CNTN5: variants seen among roughly 807,000 people sequenced by gnomAD.
CNTN5 encodes contactin-5.
CNTN5 carries 77 observed loss-of-function variants against 129.1 expected under a neutral mutation model. The ratio of observed to expected loss-of-function variants is 0.60; its 90% CI spans 0.50 to 0.72. The LOEUF (loss-of-function observed/expected upper bound fraction) is 0.72. Among genes scored for constraint, CNTN5 ranks in the 30% least tolerant of loss-of-function variants. The pLI is 0.00. For missense variants in CNTN5, 1,478 were observed against 1,328.8 expected, an observed-to-expected ratio of 1.11 and a Z score of -1.75; for synonymous variants, 509 against 465.6, an observed-to-expected ratio of 1.09 and a Z score of -1.20.
intron 1 of CNTN5, among the ~76,000 whole-genome samples, chr11:99,317,977 C>A (rs1416864938): frequency 1.3e-5 from 2 of 152,028 alleles, no homozygotes; most frequent in East Asian, 1.9e-4. Context: ...CAAATCTGGG[C>A]AGATTCTGGG....
chr11:99,707,376 C>G (rs1954801053), intron 3 of CNTN5, among the ~76,000 whole-genome samples: 1 of 151,460 alleles, frequency 6.6e-6, no homozygotes, highest in Non-Finnish European at 1.5e-5. Context: ...TTAACAAATA[C>G]ACCTTCAAAG....
intron 1 of CNTN5, among the ~76,000 whole-genome samples, chr11:99,169,444 GTA>G (rs10535357): frequency 0.43 from 65,226 of 151,456 alleles, 14,874 homozygotes; most frequent in East Asian, 0.8. Flanking sequence ...ACATATGTGT[GTA>G]TATATGATTT....
At chr11:99,244,816 T>G (rs540376887) in intron 1 of CNTN5, among the ~76,000 whole-genome samples, 44 of 152,272 alleles carry the variant, frequency 2.9e-4, no homozygotes, top group Admixed American at 8.5e-4. Context: ...ACTCAATAGG[T>G]CTTGGAGGAA....
chr11:99,613,036 G>A (rs1950638467), intron 3 of CNTN5, among the ~76,000 whole-genome samples: 1 of 152,130 alleles, frequency 6.6e-6, no homozygotes, highest in Non-Finnish European at 1.5e-5. Context: ...GAAGCCAAAT[G>A]GCAAAGTAGA....
At chr11:99,348,713 G>C (rs1938082370) in intron 2 of CNTN5, among the ~76,000 whole-genome samples, 1 of 152,158 alleles carries the variant, frequency 6.6e-6, no homozygotes. Flanking sequence ...CCAGTTGACA[G>C]TGTGTATGTG....
At chr11:99,894,145 T>C (rs1448833541) in intron 6 of CNTN5, among the ~76,000 whole-genome samples, 1 of 152,112 alleles carries the variant, frequency 6.6e-6, no homozygotes, top group East Asian at 1.9e-4. Context: ...ACCTAGTAGG[T>C]GGTATATAGG....
At chr11:99,767,274 C>T (rs1229006612) in intron 3 of CNTN5, among the ~76,000 whole-genome samples, 1 of 151,782 alleles carries the variant, frequency 6.6e-6, no homozygotes, top group South Asian at 2.1e-4. Context: ...AAAACTAATG[C>T]CAAGTGGTAA....
At chr11:100,038,555 G>A (rs1176655971) in intron 9 of CNTN5, among the ~76,000 whole-genome samples, 1 of 152,120 alleles carries the variant, frequency 6.6e-6, no homozygotes, top group East Asian at 1.9e-4. Flanking sequence ...TCTGTCTAAT[G>A]TTGACAGTGA....
intron 1 of CNTN5, among the ~76,000 whole-genome samples, chr11:99,314,983 T>G (rs976654575): frequency 6.7e-6 from 1 of 149,080 alleles, no homozygotes; most frequent in African/African-American, 2.4e-5. Flanking sequence ...ACATTCTGTG[T>G]TTTTAACTAA....
chr11:99,699,548 T>TA (rs1565439447), intron 3 of CNTN5, among the ~76,000 whole-genome samples: 4 of 151,508 alleles, frequency 2.6e-5, no homozygotes, highest in East Asian at 1.9e-4. Flanking sequence ...TCTGATTTTT[T>TA]ATCTATAAAA....
chr11:100,322,954 A>G (rs1951723619), intron 21 of CNTN5, among the ~76,000 whole-genome samples: 1 of 152,206 alleles, frequency 6.6e-6, no homozygotes. Context: ...TTTTGTGTAT[A>G]ATGCCACTTA....
intron 3 of CNTN5, among the ~76,000 whole-genome samples, chr11:99,802,998 G>A (rs763637994): frequency 1.2e-4 from 18 of 151,768 alleles, no homozygotes; most frequent in Non-Finnish European, 2.4e-4. Flanking sequence ...CTGCACCACA[G>A]TCTGTGTTCA....
chr11:99,841,501 G>C (rs7945797), intron 4 of CNTN5, among the ~76,000 whole-genome samples: 123,818 of 151,680 alleles, frequency 0.82, 50,637 homozygotes, highest in East Asian at 0.94. Context: ...ATACTGAGCT[G>C]AGATAATTAG....
At chr11:99,960,372 A>G (rs1950910700) in intron 8 of CNTN5, among the ~76,000 whole-genome samples, 2 of 151,398 alleles carry the variant, frequency 1.3e-5, no homozygotes, top group South Asian at 4.2e-4. Flanking sequence ...TTTTTCTTCT[A>G]CTTGTATTTT....
chr11:99,071,709 A>G (rs769757042), intron 1 of CNTN5, among the ~76,000 whole-genome samples: 4 of 152,138 alleles, frequency 2.6e-5, no homozygotes, highest in Non-Finnish European at 4.4e-5. Context: ...TTGCTTACTC[A>G]AATCATTTGC....
intron 21 of CNTN5, among the ~76,000 whole-genome samples, chr11:100,328,511 T>C (rs924608805): frequency 1.3e-4 from 20 of 152,072 alleles, no homozygotes; most frequent in African/African-American, 4.8e-4. Context: ...CTTACAATAA[T>C]GGCAGGAAGG....
At position 100,083,898 on chromosome 11, in the gene CNTN5, C is replaced by T. The variant is rs541598228; in HGVS notation, c.1580+9604C>T. 5.1e-4 allele frequency among the ~76,000 whole-genome samples: 77 copies of T among 151,962 alleles called. 1 individual carries two copies. The highest frequency in any genetic ancestry group is 8.7e-4 in the Non-Finnish European group (59 of 67,962). On this transcript the variant is annotated intron_variant, in intron 13 of 24. Transcript: ENST00000524871. ...TCTTGACCACTCCACCAGTTTGTTT[C>T]TAGATTTCACTTTTTTCTTAATTGT...
chr11:99,950,405 T>G (rs1376515672), intron 7 of CNTN5, among the ~76,000 whole-genome samples: 2 of 152,140 alleles, frequency 1.3e-5, no homozygotes, highest in Admixed American at 1.3e-4. Context: ...GGCGTGAACC[T>G]GGTAGGCGGA....
chr11:99,445,939 C>T (rs1944047366), intron 2 of CNTN5, among the ~76,000 whole-genome samples: 1 of 151,924 alleles, frequency 6.6e-6, no homozygotes, highest in African/African-American at 2.4e-5. Flanking sequence ...CAAAAATTAG[C>T]CAGGCGTGGT....
Sources: allele counts gnomAD v4.1 joint callset (sites outside exome capture counted in the v4.1 genomes callset), GRCh38; gene constraint gnomAD v4.1.1; transcripts MANE v1.5; gene names NCBI Gene and HGNC (gene_info 2026-07-23, HGNC 2026-07-21).